The following MTREX variants were observed in gnomAD, a reference collection of about 807,000 sequenced individuals.
The protein encoded by MTREX is Mtr4 exosome RNA helicase, also known as exosome RNA helicase MTR4.
In MTREX, 76 loss-of-function variants were observed where a neutral mutation model predicts 135.4. The ratio of observed to expected loss-of-function variants is 0.56; its 90% CI spans 0.47 to 0.68. The LOEUF is 0.68. MTREX is among the 30% of genes least tolerant of loss of function. The probability of loss-of-function intolerance (pLI) is 0.00; values close to 1 mark genes in which losing one functional copy is unlikely to be tolerated. For missense variants in MTREX, 920 were observed against 1,262.1 expected, an observed-to-expected ratio of 0.73 and a Z score of 4.11; for synonymous variants, 404 against 401.6, an observed-to-expected ratio of 1.01 and a Z score of -0.07.
intron 13 of MTREX, 142 bp from the exon 14 acceptor site, chr5:55,353,026 G>A (rs1027341978): frequency 2.2e-6 from 1 of 456,918 alleles, no homozygotes; most frequent in Admixed American, 4.1e-5. Flanking sequence ...ATACGAAATA[G>A]GTTTGAGAAC....
intron 16 of MTREX, among the ~76,000 whole-genome samples, chr5:55,376,321 A>G (rs1750299760): frequency 6.6e-6 from 1 of 152,268 alleles, no homozygotes; most frequent in South Asian, 2.1e-4. Context: ...CTGCATTTGC[A>G]TGCGACGTTC....
At chr5:55,409,494 A>G (rs1202838977) in intron 22 of MTREX, among the ~76,000 whole-genome samples, 1 of 152,152 alleles carries the variant, frequency 6.6e-6, no homozygotes, top group Non-Finnish European at 1.5e-5. Flanking sequence ...ATTTTTTAAA[A>G]CCTGTTGAAT....
Position 55,349,496 on chromosome 5 carries a change from T to G in MTREX, c.1241-77T>G, listed in dbSNP as rs192369072. ...GGGACACCACGCCTGGCCTTTAGAT[T>G]CTTATTCTTTGTAATGTGTGAAGTT... On this transcript the variant is annotated intron_variant, in intron 11 of 26. Coordinates refer to ENST00000230640, the MANE Select transcript of MTREX (RefSeq NM_015360.5). 5 of 824,858 alleles carry G rather than the reference T, an allele frequency of 6.1e-6. No individual in the cohort carries two copies. In the East Asian group the frequency reaches 1.0e-4, roughly 17 times the overall value. 51.1% of individuals were successfully genotyped at this position (824,858 alleles called of 1,614,324 possible). A position where few individuals can be genotyped will look rare whatever the true frequency, so the allele number is the denominator to read the frequency against.
chr5:55,331,020 A>G (rs1299740208), intron 5 of MTREX, among the ~76,000 whole-genome samples: 2 of 151,662 alleles, frequency 1.3e-5, no homozygotes, highest in Non-Finnish European at 1.5e-5. Flanking sequence ...CTCAGTTTCC[A>G]TCTCTAAAAT....
intron 1 of MTREX, among the ~76,000 whole-genome samples, chr5:55,317,026 A>G (rs1297494526): frequency 2.6e-5 from 4 of 152,064 alleles, no homozygotes; most frequent in East Asian, 1.9e-4. Context: ...CTCATTCACA[A>G]TTGCCACACA....
At chr5:55,329,764 A>G (rs188130700) in intron 5 of MTREX, among the ~76,000 whole-genome samples, 112 of 152,180 alleles carry the variant, frequency 7.4e-4, no homozygotes, top group African/African-American at 2.6e-3. Flanking sequence ...TCTGTACATA[A>G]TGTGTCTTTT....
intron 18 of MTREX, among the ~76,000 whole-genome samples, chr5:55,384,570 T>G (rs981627252): frequency 6.6e-6 from 1 of 152,212 alleles, no homozygotes; most frequent in Non-Finnish European, 1.5e-5. Flanking sequence ...CTTTCCTGTT[T>G]CTTTGCATGT....
intron 15 of MTREX, among the ~76,000 whole-genome samples, chr5:55,362,884 C>G (rs1388655743): frequency 6.6e-6 from 1 of 151,996 alleles, no homozygotes; most frequent in African/African-American, 2.4e-5. Context: ...ATATAGTGCC[C>G]ATATTTTCCA....
chr5:55,375,218 A>G (rs1005630691), intron 16 of MTREX, among the ~76,000 whole-genome samples: 3 of 152,316 alleles, frequency 2.0e-5, no homozygotes, highest in Admixed American at 6.5e-5. Flanking sequence ...ATCAGGAGAC[A>G]GGGTTTTGAG....
chr5:55,394,551 A>G (rs527431104), intron 19 of MTREX, among the ~76,000 whole-genome samples: 71 of 152,212 alleles, frequency 4.7e-4, no homozygotes, highest in Non-Finnish European at 8.1e-4. Context: ...GATCCCTTGC[A>G]TGTGCCATGT....
At chr5:55,405,368 TC>T (rs35987855) in intron 21 of MTREX, 56 bp from the exon 22 acceptor site, 10 of 1,391,594 alleles carry the variant, frequency 7.2e-6, no homozygotes, top group African/African-American at 1.4e-5. Context: ...TGAATAAATC[TC>T]CTTGTACATT....
intron 16 of MTREX, among the ~76,000 whole-genome samples, chr5:55,369,060 A>G (rs1750152730): frequency 6.6e-6 from 1 of 151,900 alleles, no homozygotes; most frequent in African/African-American, 2.4e-5. Context: ...AGAGAAGTGT[A>G]TTTTTAAAAG....
chr5:55,338,450 G>A (rs1184585658), intron 5 of MTREX, among the ~76,000 whole-genome samples: 1 of 151,962 alleles, frequency 6.6e-6, no homozygotes, highest in Non-Finnish European at 1.5e-5. Flanking sequence ...TTGTCATTTA[G>A]CAGTTTAACT....
intron 21 of MTREX, 70 bp from the exon 22 acceptor site, chr5:55,405,355 T>A: frequency 7.5e-7 from 1 of 1,338,268 alleles, no homozygotes; most frequent in South Asian, 1.3e-5. Context: ...TTGTTTGATT[T>A]CATGAATAAA....
At chr5:55,409,875 A>G (rs1750859756) in intron 22 of MTREX, among the ~76,000 whole-genome samples, 1 of 152,184 alleles carries the variant, frequency 6.6e-6, no homozygotes. Flanking sequence ...GCTCTTGCCC[A>G]TCTTGGTTAT....
At chr5:55,388,161 C>T (rs529228294) in intron 19 of MTREX, 59 bp downstream of exon 19, 1 of 1,453,962 alleles carries the variant, frequency 6.9e-7, no homozygotes, top group South Asian at 1.4e-5. Flanking sequence ...TTTGTCATCA[C>T]CAAAGTTCTC....
intron 18 of MTREX, among the ~76,000 whole-genome samples, chr5:55,384,230 A>G (rs922099025): frequency 6.6e-6 from 1 of 152,238 alleles, no homozygotes; most frequent in African/African-American, 2.4e-5. Context: ...CATAATCTCC[A>G]TCAATAGTCT....
intron 17 of MTREX, 38 bp from the exon 18 acceptor site, chr5:55,379,089 C>T (rs1750351974): frequency 7.0e-7 from 1 of 1,435,032 alleles, no homozygotes; most frequent in African/African-American, 1.4e-5. Context: ...TGTAGATATA[C>T]ATTTGATTCT....
intron 18 of MTREX, among the ~76,000 whole-genome samples, 168 bp downstream of exon 18, chr5:55,379,363 T>G (rs565999970): frequency 6.6e-6 from 1 of 152,260 alleles, no homozygotes; most frequent in East Asian, 1.9e-4. Context: ...TTTTGTATTT[T>G]TAGTAGAGAT....
Sources: gnomAD v4.1 joint callset for allele counts (sites outside exome capture counted in the v4.1 genomes callset) on GRCh38, gnomAD v4.1.1 for gene constraint, MANE v1.5 for transcripts, NCBI Gene and HGNC (gene_info 2026-07-23, HGNC 2026-07-21) for gene names.